SPHKAP: variants seen among roughly 807,000 people sequenced by gnomAD.
SPHKAP encodes A-kinase anchor protein SPHKAP.
A neutral mutation model predicts 137.5 loss-of-function variants in SPHKAP; 67 were observed. That is an observed-to-expected ratio of 0.49 (90% CI 0.40 to 0.60). The LOEUF is 0.60. Ranked by LOEUF, SPHKAP falls within the 20% of genes least tolerant of loss-of-function variation. The probability of loss-of-function intolerance (pLI) is 0.00; values close to 1 mark genes in which losing one functional copy is unlikely to be tolerated. For synonymous variants in SPHKAP, 813 were observed against 785.3 expected (o/e 1.04, Z -0.59); for missense variants, 2,097 against 2,069.3 (o/e 1.01, Z -0.26).
rs1411139913 is a variant in SPHKAP, at chr2:228,001,465, G to GTA, written c.4449-5773_4449-5772dup. Among the ~76,000 whole-genome samples, 4 of 131,112 alleles carry GTA rather than the reference G, an allele frequency of 3.1e-5. No homozygotes were observed. In the East Asian group the frequency reaches 8.7e-4, roughly 29 times the overall value. 86.0% of individuals were successfully genotyped at this position (131,112 alleles called of 152,430 possible). A position where few individuals can be genotyped will look rare whatever the true frequency, so the allele number is the denominator to read the frequency against. On this transcript the variant is annotated intron_variant, in intron 7 of 11. Coordinates refer to ENST00000392056, the MANE Select transcript of SPHKAP (RefSeq NM_001142644.2). ...TATATGTATATATACGAATATATAC[G>GTA]TATATATAAAAATATATATACGTAT...
intron 2 of SPHKAP, among the ~76,000 whole-genome samples, chr2:228,114,148 A>G (rs950252252): frequency 3.9e-5 from 6 of 152,122 alleles, no homozygotes; most frequent in Non-Finnish European, 5.9e-5. Flanking sequence ...TTATGGACTT[A>G]TTTTAGATGA....
At chr2:228,154,575 G>A (rs1700049044) in intron 1 of SPHKAP, among the ~76,000 whole-genome samples, 1 of 88,630 alleles carries the variant, frequency 1.1e-5, no homozygotes, top group African/African-American at 4.5e-5. Flanking sequence ...TTGAGATGGA[G>A]TCTCGCTCTG....
chr2:228,038,368 AT>A (rs565877450), intron 3 of SPHKAP, among the ~76,000 whole-genome samples: 2 of 150,600 alleles, frequency 1.3e-5, no homozygotes, highest in Non-Finnish European at 3.0e-5. Context: ...TAAAGTTTTT[AT>A]TTTTTTTTGC....
chr2:227,982,437 G>T, intron 11 of SPHKAP: 2 of 885,734 alleles, frequency 2.3e-6, no homozygotes, highest in Non-Finnish European at 2.7e-6. Flanking sequence ...AAACACCTTA[G>T]ATTTGTCACC....
chr2:228,078,963 T>C (rs928155343), intron 3 of SPHKAP, among the ~76,000 whole-genome samples: 1 of 152,144 alleles, frequency 6.6e-6, no homozygotes, highest in African/African-American at 2.4e-5. Context: ...GCCCCAGGCT[T>C]TAGGCCTATG....
intron 7 of SPHKAP, among the ~76,000 whole-genome samples, chr2:227,996,397 C>T (rs886491189): frequency 6.6e-6 from 1 of 152,194 alleles, no homozygotes; most frequent in African/African-American, 2.4e-5. Context: ...AGCTTCTCCT[C>T]CCTGGCCTCC....
At chr2:228,085,196 C>T (rs1420490282) in intron 3 of SPHKAP, among the ~76,000 whole-genome samples, 3 of 152,194 alleles carry the variant, frequency 2.0e-5, no homozygotes, top group Non-Finnish European at 4.4e-5. Flanking sequence ...ATTTTGAGCT[C>T]ACATAGTAAA....
intron 1 of SPHKAP, among the ~76,000 whole-genome samples, chr2:228,152,611 T>C (rs1362889037): frequency 6.6e-6 from 1 of 152,136 alleles, no homozygotes; most frequent in African/African-American, 2.4e-5. Context: ...TATATTTGGG[T>C]CCATTTAATG....
Position 228,016,407 on chromosome 2 carries a change from T to A in SPHKAP, c.4447A>T (p.Ser1483Cys), listed in dbSNP as rs750151073. The change falls in exon 7 of 12, where the codon AGT becomes TGT. Residue 1483 changes from serine (S) to cysteine (C), a missense_variant and splice_region_variant. By Grantham distance (112) the Ser-to-Cys change is moderately radical (BLOSUM62 -1). Transcript: ENST00000392056. ...DTAVSACQIH[S>C]DSLDTRDVPE... ...TGTAGTCTGAGACGATTCACTCACC[T>A]ATGGATTTGACAAGCGCTCACGGCT... 1 of 1,585,002 alleles carries A rather than the reference T, an allele frequency of 6.3e-7. No homozygotes were observed. The highest frequency in any genetic ancestry group is 8.6e-7 in the Non-Finnish European group (1 of 1,168,848).
At chr2:228,167,408 C>A (rs1559211456) in intron 1 of SPHKAP, among the ~76,000 whole-genome samples, 1 of 152,048 alleles carries the variant, frequency 6.6e-6, no homozygotes, top group African/African-American at 2.4e-5. Context: ...CCTTTTTAAT[C>A]ACTATATTGA....
chr2:228,121,169 G>A (rs965710625), intron 2 of SPHKAP, among the ~76,000 whole-genome samples: 10 of 152,148 alleles, frequency 6.6e-5, no homozygotes, highest in Admixed American at 4.6e-4. Flanking sequence ...TAATGGCCAC[G>A]TATCTCTTGA....
At chr2:228,113,039 C>G (rs1328442653) in intron 2 of SPHKAP, among the ~76,000 whole-genome samples, 1 of 152,094 alleles carries the variant, frequency 6.6e-6, no homozygotes, top group Non-Finnish European at 1.5e-5. Context: ...AAACCTAAAT[C>G]TTGCCGTGCT....
intron 1 of SPHKAP, among the ~76,000 whole-genome samples, chr2:228,136,533 G>T (rs1574883905): frequency 6.6e-6 from 1 of 152,166 alleles, no homozygotes; most frequent in South Asian, 2.1e-4. Flanking sequence ...GGAATATCCA[G>T]TTATTTCCCT....
At chr2:228,156,483 T>C (rs192455799) in intron 1 of SPHKAP, among the ~76,000 whole-genome samples, 55 of 152,364 alleles carry the variant, frequency 3.6e-4, no homozygotes, top group African/African-American at 1.2e-3. Flanking sequence ...GATATCTTTC[T>C]AATGATTTGT....
At chr2:228,093,901 CAAG>C (rs1436305723) in intron 3 of SPHKAP, among the ~76,000 whole-genome samples, 1 of 127,702 alleles carries the variant, frequency 7.8e-6, no homozygotes, top group Non-Finnish European at 1.7e-5. Context: ...GCTATTGGGA[CAAG>C]AAGTAGATTA....
intron 2 of SPHKAP, among the ~76,000 whole-genome samples, chr2:228,113,611 CT>C (rs1300181317): frequency 9.4e-6 from 1 of 106,122 alleles, no homozygotes; most frequent in Non-Finnish European, 2.1e-5. Flanking sequence ...CCATCTCTCT[CT>C]CTCTCTCTCT....
intron 3 of SPHKAP, among the ~76,000 whole-genome samples, chr2:228,037,165 C>G (rs867719034): frequency 6.6e-6 from 1 of 151,948 alleles, no homozygotes; most frequent in Admixed American, 6.6e-5. Flanking sequence ...CAGTTTTGTA[C>G]TCTAAAGACA....
chr2:227,998,093 G>A (rs1376136262), intron 7 of SPHKAP, among the ~76,000 whole-genome samples: 1 of 152,116 alleles, frequency 6.6e-6, no homozygotes, highest in Non-Finnish European at 1.5e-5. Context: ...TGCAACCTCC[G>A]TCTCCCAGAT....
Position 228,018,536 on chromosome 2 carries a change from G to A in SPHKAP, c.2318C>T (p.Pro773Leu). 2 of 1,614,104 alleles carry A rather than the reference G, an allele frequency of 1.2e-6. No homozygotes were observed. Among genetic ancestry groups the A allele is most frequent in the Non-Finnish European group, 8.5e-7 (1 of 1,179,980 alleles). Residue 773 changes from proline (P) to leucine (L), a missense_variant, in exon 7 of 12, where the codon CCA becomes CTA. Physicochemically the swap from Pro to Leu is moderately conservative, Grantham distance 98. Transcript: ENST00000392056. ...ACTCGTGTTGTGTGAATTGCTAAGT[G>A]GAGAGCTGCTGGAGGATTCAGTGGC... is the stretch of plus-strand genomic sequence containing the variant. The part of the protein sequence containing the change: ...TKATESSSSS[P>L]LSNSHNTSLV...
Sources: allele counts gnomAD v4.1 joint callset (sites outside exome capture counted in the v4.1 genomes callset), GRCh38; gene constraint gnomAD v4.1.1; transcripts MANE v1.5; gene names NCBI Gene and HGNC (gene_info 2026-07-23, HGNC 2026-07-21).